The following TOP3A variants were observed in gnomAD, a reference collection of about 807,000 sequenced individuals.
The protein encoded by TOP3A is DNA topoisomerase III alpha.
Under a neutral mutation model 111.3 loss-of-function variants are expected in TOP3A, and 64 were observed. That is an observed-to-expected ratio of 0.57 (90% CI 0.47 to 0.71). TOP3A has a LOEUF of 0.71. Among genes scored for constraint, TOP3A ranks in the 30% least tolerant of loss-of-function variants. The probability of loss-of-function intolerance (pLI) is 0.00; values close to 1 mark genes in which losing one functional copy is unlikely to be tolerated. For synonymous variants in TOP3A, 484 were observed against 485.1 expected, an observed-to-expected ratio of 1.00 and a Z score of 0.03; for missense variants, 1,104 against 1,285.0, an observed-to-expected ratio of 0.86 and a Z score of 2.15.
intron 16 of TOP3A, 36 bp downstream of exon 16, chr17:18,282,662 G>C: frequency 6.2e-7 from 1 of 1,611,550 alleles, no homozygotes. Flanking sequence ...GCAGGTGCTG[G>C]GGAGCAGAGG....
At position 18,292,654 on chromosome 17, in the gene TOP3A, G is replaced by T; in HGVS notation, c.1272C>A (p.Asn424Lys). ...HPPIHPTKYT[N>K]NLQGDEQRLY... Reference sequence around the variant, plus strand: ...ATTCAGGGAAACCAACCTGTAAGTTGTTGGTGTATTTGGTGGGGTGAATGG... The same window carrying T: ...ATTCAGGGAAACCAACCTGTAAGTTTTTGGTGTATTTGGTGGGGTGAATGG... The change falls in exon 11 of 19, where the codon AAC becomes AAA. Residue 424 changes from asparagine (N) to lysine (K), a missense_variant. By Grantham distance (94) the Asn-to-Lys change is moderately conservative (BLOSUM62 0). Transcript: ENST00000321105. 6.4e-7 allele frequency: 1 copy of T among 1,567,918 alleles called. No individual in the cohort carries two copies. Among genetic ancestry groups the T allele is most frequent in the South Asian group, 1.2e-5 (1 of 85,732 alleles).
chr17:18,285,007 G>C, intron 15 of TOP3A, 135 bp downstream of exon 15: 1 of 1,015,010 alleles, frequency 9.9e-7, no homozygotes, highest in African/African-American at 1.6e-5. Flanking sequence ...ACTCTGACTG[G>C]CCCAGATGCG....
At chr17:18,280,324 A>T in intron 17 of TOP3A, 3 of 453,138 alleles carry the variant, frequency 6.6e-6, no homozygotes, top group Non-Finnish European at 1.2e-5. Flanking sequence ...CCCATGGCCC[A>T]CTCCAAACAG....
chr17:18,298,373 A>C (rs1192194026), intron 9 of TOP3A, among the ~76,000 whole-genome samples: 1 of 145,036 alleles, frequency 6.9e-6, no homozygotes. Flanking sequence ...CCCATCCGGG[A>C]GGGAGGTGGG....
In TOP3A at chr17:18,305,029, T is replaced by G. The variant is rs185828726; in HGVS notation, c.499+83A>C. On this transcript the variant is annotated intron_variant, in intron 5 of 18. Transcript: ENST00000321105. ...GAGTACCTGCAGAGGACCTCATCCG[T>G]GGCCCATGTGCACATATAAACAAGA... 11 of 1,123,100 alleles carry G rather than the reference T, an allele frequency of 9.8e-6. No individual in the cohort carries two copies. The East Asian group carries it at 2.4e-4, about 24-fold the overall frequency. 69.6% of individuals were successfully genotyped at this position (1,123,100 alleles called of 1,614,324 possible).
chr17:18,288,531 T>C (rs532673011), intron 13 of TOP3A, among the ~76,000 whole-genome samples: 19 of 152,330 alleles, frequency 1.2e-4, no homozygotes, highest in Admixed American at 1.2e-3. Flanking sequence ...GAAGACTCCC[T>C]GCTGACCATG....
intron 9 of TOP3A, among the ~76,000 whole-genome samples, chr17:18,297,674 C>G (rs1314282157): frequency 6.6e-6 from 1 of 152,092 alleles, no homozygotes; most frequent in South Asian, 2.1e-4. Context: ...ATCCGCCAGC[C>G]TCGGCATCCT....
intron 1 of TOP3A, among the ~76,000 whole-genome samples, chr17:18,309,585 A>G (rs544528172): frequency 1.3e-5 from 2 of 152,112 alleles, no homozygotes; most frequent in African/African-American, 2.4e-5. Flanking sequence ...TGGACGTTGC[A>G]GTGAGTGGAG....
At chr17:18,298,086 G>T (rs1221161357) in intron 9 of TOP3A, among the ~76,000 whole-genome samples, 4 of 151,030 alleles carry the variant, frequency 2.6e-5, no homozygotes, top group Admixed American at 2.6e-4. Context: ...CCCCGTCTGG[G>T]ATGTGAGGAG....
intron 1 of TOP3A, among the ~76,000 whole-genome samples, chr17:18,311,541 G>A (rs986791267): frequency 2.6e-5 from 4 of 152,128 alleles, no homozygotes; most frequent in African/African-American, 9.7e-5. Flanking sequence ...TGGTCTGCCC[G>A]CTTGAGCCTC....
In TOP3A at chr17:18,314,687, C is replaced by A; in HGVS notation, c.92G>T (p.Arg31Leu). ...FSRAAMEMAL[R>L]GVRKVLCVAE... Reference sequence around the variant, plus strand: ...CACACAGAGGACTTTCCGCACGCCTCGGAGGGCCATCTCCATGGCGGCGCG... The same window carrying A: ...CACACAGAGGACTTTCCGCACGCCTAGGAGGGCCATCTCCATGGCGGCGCG... The change falls in exon 1 of 19, where the codon CGA becomes CTA. Residue 31 changes from arginine to leucine, a missense_variant. Physicochemically the swap from Arg to Leu is moderately radical, Grantham distance 102. Transcript: ENST00000321105. The A allele has an allele frequency of 6.2e-7, 1 of 1,612,636 alleles. No homozygotes were observed.
chr17:18,285,632 C>A, intron 13 of TOP3A, 112 bp from the exon 14 acceptor site: 12 of 784,548 alleles, frequency 1.5e-5, no homozygotes, highest in Non-Finnish European at 2.3e-5. Context: ...ACAGCCTATG[C>A]AGGTAAGATG....
At chr17:18,306,184 A>T (rs1430920688) in intron 4 of TOP3A, among the ~76,000 whole-genome samples, 1 of 152,212 alleles carries the variant, frequency 6.6e-6, no homozygotes, top group Non-Finnish European at 1.5e-5. Context: ...CTGGGGGACA[A>T]GAGCGAGACT....
In TOP3A at chr17:18,280,608, A is replaced by C. The variant is rs1423108101; in HGVS notation, c.2072T>G (p.Leu691Arg). The change falls in exon 17 of 19, where the codon CTT (leucine) becomes CGT (arginine). Residue 691 changes from leucine (L) to arginine (R), a missense_variant. Coordinates refer to ENST00000321105, the MANE Select transcript of TOP3A (RefSeq NM_004618.5). ...GCTGGCCTCCAGCACCGAGTCAGGA[A>C]GCCACACAGCTGAGCGACACTCTGG... ...GFPECRSAVW[L>R]PDSVLEASRD... 3 of 1,614,138 alleles carry C rather than the reference A, an allele frequency of 1.9e-6. No homozygotes were observed. The South Asian group carries it at 3.3e-5, about 18-fold the overall frequency.
intron 10 of TOP3A, 35 bp downstream of exon 10, chr17:18,294,668 G>T: frequency 6.8e-7 from 1 of 1,467,494 alleles, no homozygotes; most frequent in South Asian, 1.1e-5. Flanking sequence ...TGATAAAGAC[G>T]GTTCAAATTC....
At position 18,302,646 on chromosome 17, in the gene TOP3A, G is replaced by C. The variant is rs752299423; in HGVS notation, c.577C>G (p.Leu193Val). 1.9e-6 allele frequency: 3 copies of C among 1,614,078 alleles called. No individual in the cohort carries two copies. Among genetic ancestry groups the C allele is most frequent in the Non-Finnish European group, 2.5e-6 (3 of 1,180,054 alleles). Reference protein sequence around the residue: ...PHAVRTACENLTEPDQRVSDA... With the variant: ...PHAVRTACENVTEPDQRVSDA... Reference sequence around the variant, plus strand: ...CTCACCCTCTGATCAGGCTCGGTCAGGTTTTCACAAGCTGTCCTGACGGCA... The same window carrying C: ...CTCACCCTCTGATCAGGCTCGGTCACGTTTTCACAAGCTGTCCTGACGGCA... Residue 193 changes from leucine to valine, a missense_variant, in exon 6 of 19, where the codon CTG becomes GTG. Transcript: ENST00000321105.
At chr17:18,298,953 G>A (rs1981043052) in intron 9 of TOP3A, among the ~76,000 whole-genome samples, 1 of 149,142 alleles carries the variant, frequency 6.7e-6, no homozygotes, top group African/African-American at 2.6e-5. Flanking sequence ...GAAAACCAGA[G>A]ACCTTTGTTC....
rs1169968740 is a variant in TOP3A at position 18,302,589 on chromosome 17, G to A, written c.634C>T (p.Leu212=). 17 of 1,614,094 alleles carry A rather than the reference G, an allele frequency of 1.1e-5. No individual in the cohort carries two copies. Among genetic ancestry groups the A allele is most frequent in the Non-Finnish European group, 1.4e-5 (17 of 1,179,964 alleles). Residue 212 remains leucine, a synonymous_variant, in exon 6 of 19, where the codon CTG becomes TTG. Coordinates refer to ENST00000321105, the MANE Select transcript of TOP3A (RefSeq NM_004618.5). ...CTGCCTAGCTCCTCACCAATCCTCA[G>A]GTCCAGCTCCTGCCTCACATCCACA... ...DAVDVRQELD[L]RIGAAFTRFQ...
chr17:18,304,233 G>A (rs1326126186), intron 5 of TOP3A, among the ~76,000 whole-genome samples: 2 of 152,144 alleles, frequency 1.3e-5, no homozygotes, highest in Non-Finnish European at 2.9e-5. Flanking sequence ...CCAAAGTGCT[G>A]GGATTACAGG....
Sources: gnomAD v4.1 joint callset for allele counts (sites outside exome capture counted in the v4.1 genomes callset) on GRCh38, gnomAD v4.1.1 for gene constraint, MANE v1.5 for transcripts, NCBI Gene and HGNC (gene_info 2026-07-23, HGNC 2026-07-21) for gene names.